WDR59: variants seen among roughly 807,000 people sequenced by gnomAD.
WDR59 encodes WD repeat domain 59, also known as GATOR2 complex protein WDR59.
In WDR59, 100 loss-of-function variants were observed where a neutral mutation model predicts 131.2. The ratio of observed to expected loss-of-function variants is 0.76; its 90% confidence interval spans 0.65 to 0.90. The LOEUF is 0.90. Among genes scored for constraint, WDR59 ranks in the 40% least tolerant of loss-of-function variants. The probability of loss-of-function intolerance (pLI) is 0.00; values close to 1 mark genes in which losing one functional copy is unlikely to be tolerated. For synonymous variants in WDR59, 601 were observed against 466.2 expected (o/e 1.29, Z -3.72); for missense variants, 1,203 against 1,262.2 (o/e 0.95, Z 0.71).
chr16:74,885,371 C>T (rs1477477222), intron 25 of WDR59, among the ~76,000 whole-genome samples: 1 of 142,826 alleles, frequency 7.0e-6, no homozygotes, highest in Non-Finnish European at 1.5e-5. Flanking sequence ...GAAGTTAGAA[C>T]CCAGAAGGCA....
chr16:74,916,374 C>G, intron 11 of WDR59, 115 bp from the exon 12 acceptor site: 1 of 1,332,550 alleles, frequency 7.5e-7, no homozygotes, highest in Non-Finnish European at 1.1e-6. Context: ...GATGTGTCAG[C>G]CAAGAGCTGA....
intron 7 of WDR59, 42 bp from the exon 8 acceptor site, chr16:74,938,308 C>T (rs144781495): frequency 1.1e-4 from 147 of 1,347,056 alleles, no homozygotes; most frequent in Middle Eastern, 5.8e-4. Context: ...TTAGAAAGAA[C>T]TCTTTGAGTG....
chr16:74,904,912 T>A (rs1461828517), intron 17 of WDR59, among the ~76,000 whole-genome samples: 1 of 152,148 alleles, frequency 6.6e-6, no homozygotes, highest in East Asian at 1.9e-4. Context: ...AAGGAAATCT[T>A]TTCATAAATG....
In WDR59 at chr16:74,912,275, G is replaced by C. The variant is rs1212631642; in HGVS notation, c.1312C>G (p.Pro438Ala). 6.2e-7 allele frequency: 1 copy of C among 1,614,020 alleles called. No individual in the cohort carries two copies. The highest frequency in any genetic ancestry group is 1.3e-5 in the African/African-American group (1 of 74,924). Residue 438 changes from proline (P) to alanine (A), a missense_variant, in exon 14 of 26, where the codon CCA becomes GCA. Physicochemically the swap from Pro to Ala is conservative, Grantham distance 27. Transcript: ENST00000262144. ...TGGAAGGAAGGGGCGGCGTTGTTTG[G>C]GTACTGTGCAGGGAACTTCACCAGC... ...KMLVKFPAQY[P>A]NNAAPSFQFI... is the part of the protein sequence containing the mutation.
At chr16:74,975,774 A>G (rs985452445) in intron 1 of WDR59, among the ~76,000 whole-genome samples, 1 of 152,216 alleles carries the variant, frequency 6.6e-6, no homozygotes, top group East Asian at 1.9e-4. Context: ...CATAACCTAA[A>G]TCTTAACACA....
chr16:74,973,538 T>G (rs762761755), intron 1 of WDR59, among the ~76,000 whole-genome samples: 1 of 139,902 alleles, frequency 7.1e-6, no homozygotes, highest in Non-Finnish European at 1.5e-5. Context: ...GCACCGGCCC[T>G]GGCCTCTCAA....
At chr16:74,889,931 C>T in intron 20 of WDR59, 116 bp from the exon 21 acceptor site, 1 of 674,884 alleles carries the variant, frequency 1.5e-6, no homozygotes. Flanking sequence ...TTGGGGGCAG[C>T]AAAAGCTGGA....
intron 13 of WDR59, among the ~76,000 whole-genome samples, chr16:74,912,591 G>C (rs1178481755): frequency 6.6e-6 from 1 of 152,156 alleles, no homozygotes; most frequent in Non-Finnish European, 1.5e-5. Context: ...GCTGAGACCA[G>C]CTCGGTCGGG....
chr16:74,903,744 C>CT (rs1965668253), intron 18 of WDR59, among the ~76,000 whole-genome samples: 1 of 152,100 alleles, frequency 6.6e-6, no homozygotes, highest in Non-Finnish European at 1.5e-5. Flanking sequence ...ACCATAAGAA[C>CT]GGCCCCCTGA....
chr16:74,895,121 G>A (rs1266842974), intron 18 of WDR59, among the ~76,000 whole-genome samples: 1 of 152,110 alleles, frequency 6.6e-6, no homozygotes, highest in Admixed American at 6.5e-5. Context: ...CATGTGTCTT[G>A]GAACCTACTA....
At chr16:74,913,884 C>G (rs1468766800) in intron 13 of WDR59, among the ~76,000 whole-genome samples, 1 of 152,094 alleles carries the variant, frequency 6.6e-6, no homozygotes, top group Admixed American at 6.5e-5. Flanking sequence ...TGTGAATATA[C>G]CCACAACAGC....
chr16:74,941,626 G>A (rs1306431510), intron 7 of WDR59, among the ~76,000 whole-genome samples: 5 of 151,304 alleles, frequency 3.3e-5, no homozygotes, highest in Admixed American at 2.0e-4. Context: ...CCTGGGAGGC[G>A]TAGGTTGCAG....
intron 2 of WDR59, 72 bp downstream of exon 2, chr16:74,965,701 A>G (rs2033742117): frequency 1.3e-6 from 2 of 1,565,650 alleles, no homozygotes; most frequent in African/African-American, 2.7e-5. Flanking sequence ...AATAGCTTCC[A>G]AGTTCCCAGA....
At chr16:74,973,580 G>T (rs2034072441) in intron 1 of WDR59, among the ~76,000 whole-genome samples, 1 of 152,128 alleles carries the variant, frequency 6.6e-6, no homozygotes, top group African/African-American at 2.4e-5. Context: ...GAGCCACCAT[G>T]CTTGGCCCAA....
At chr16:74,885,897 C>T in intron 24 of WDR59, 102 bp from the exon 25 acceptor site, 4 of 1,414,670 alleles carry the variant, frequency 2.8e-6, no homozygotes, top group Non-Finnish European at 3.8e-6. Context: ...CAGTCCTGGC[C>T]AGGCACGGTG....
chr16:74,897,382 T>A (rs1209078110), intron 18 of WDR59, among the ~76,000 whole-genome samples: 1 of 152,212 alleles, frequency 6.6e-6, no homozygotes, highest in Non-Finnish European at 1.5e-5. Context: ...TAAAGAGATG[T>A]CTTAGGGACT....
rs772939841 is a variant in WDR59 at position 74,948,536 on chromosome 16, A to T, written c.428T>A (p.Val143Asp). The T allele has an allele frequency of 2.4e-5, 38 of 1,613,820 alleles. No homozygotes were observed. The highest frequency in any genetic ancestry group is 1.7e-4 in the Admixed American group (10 of 59,986). Residue 143 changes from valine to aspartate, a missense_variant, in exon 6 of 26, where the codon GTT (valine) becomes GAT (aspartate). Coordinates refer to ENST00000262144, the MANE Select transcript of WDR59 (RefSeq NM_030581.4). Reference sequence around the variant, plus strand: ...ACACTCACCAACAGCAGACAGTGCAACAGTAGGTTTCCTTGTGTCTCTGAA... The same window carrying T: ...ACACTCACCAACAGCAGACAGTGCATCAGTAGGTTTCCTTGTGTCTCTGAA... ...WDIKDTRKPTVALSAVAGASQ... is the reference protein window; with the variant it reads ...WDIKDTRKPTDALSAVAGASQ...
intron 25 of WDR59, among the ~76,000 whole-genome samples, chr16:74,885,448 C>CAA (rs397855343): frequency 0.024 from 1,472 of 62,230 alleles, 182 homozygotes; most frequent in East Asian, 0.061. Flanking sequence ...GATTCCATCT[C>CAA]AAAAAAAAAA....
intron 1 of WDR59, among the ~76,000 whole-genome samples, chr16:74,982,212 C>T (rs1199978758): frequency 6.6e-6 from 1 of 151,360 alleles, no homozygotes; most frequent in African/African-American, 2.4e-5. Flanking sequence ...TTCATAAAGG[C>T]ATTATGAAGA....
Sources: allele counts gnomAD v4.1 joint callset (sites outside exome capture counted in the v4.1 genomes callset), GRCh38; gene constraint gnomAD v4.1.1; transcripts MANE v1.5; gene names NCBI Gene and HGNC (gene_info 2026-07-23, HGNC 2026-07-21).